WDR41: variants seen among roughly 807,000 people sequenced by gnomAD.
The protein encoded by WDR41 is WD repeat domain 41.
In WDR41, 63 loss-of-function variants were observed where a neutral mutation model predicts 69.3. That is an observed-to-expected ratio of 0.91 (90% confidence interval 0.74 to 1.12). The LOEUF (loss-of-function observed/expected upper bound fraction) is 1.12, where lower values mean the gene tolerates loss of function less well. Among genes scored for constraint, WDR41 ranks in the 50% most tolerant of loss-of-function variants. The pLI, the probability that WDR41 is intolerant of heterozygous loss-of-function variation, is 0.00. For missense variants in WDR41, 543 were observed against 534.5 expected, an observed-to-expected ratio of 1.02 and a Z score of -0.16; for synonymous variants, 185 against 192.1, an observed-to-expected ratio of 0.96 and a Z score of 0.31.
chr5:77,446,312 T>C (rs1254888674), intron 8 of WDR41, among the ~76,000 whole-genome samples: 3 of 152,188 alleles, frequency 2.0e-5, no homozygotes, highest in Admixed American at 6.5e-5. Flanking sequence ...TCCTCATAGA[T>C]AGGAAGAATC....
At chr5:77,484,714 G>C (rs573831932) in intron 2 of WDR41, among the ~76,000 whole-genome samples, 2 of 152,292 alleles carry the variant, frequency 1.3e-5, no homozygotes, top group South Asian at 4.1e-4. Context: ...GTATGTTCAT[G>C]CAAGTTAAAA....
Position 77,436,716 on chromosome 5 carries a change from T to A in WDR41, c.1094-322A>T, listed in dbSNP as rs565467437. 3.9e-5 allele frequency among the ~76,000 whole-genome samples: 6 copies of A among 152,112 alleles called. No homozygotes were observed. In the East Asian group the frequency reaches 5.8e-4, roughly 15 times the overall value. On this transcript the variant is annotated intron_variant, in intron 11 of 12. Transcript: ENST00000296679. The stretch of plus-strand genomic sequence containing the variant: ...CTGTCAAGGGAAAAAAGGGCAAAAC[T>A]CAGATCAACAAACAAGGCATAGGGG...
rs188767038 is a variant in WDR41, at chr5:77,458,747, A to T, written c.411+315T>A. On this transcript the variant is annotated intron_variant, in intron 5 of 12. Transcript: ENST00000296679. The stretch of plus-strand genomic sequence containing the variant: ...TTTAAATTCAAAGTATAAAGAAAAC[A>T]GACCAGCTACTATTATGGTCATTCT... 1.1e-3 allele frequency: 204 copies of T among 193,432 alleles called. 1 individual carries two copies. The highest frequency in any genetic ancestry group is 4.4e-3 in the African/African-American group (191 of 43,260). 12.0% of individuals were successfully genotyped at this position (193,432 alleles called of 1,614,324 possible).
chr5:77,551,294 GC>G (rs1425609748), intron 1 of WDR41, among the ~76,000 whole-genome samples: 2 of 152,106 alleles, frequency 1.3e-5, no homozygotes, highest in Admixed American at 1.3e-4. Flanking sequence ...TAAGAAGGGG[GC>G]AAAAATATTA....
chr5:77,583,871 C>T (rs1743987462), intron 1 of WDR41, among the ~76,000 whole-genome samples: 1 of 152,044 alleles, frequency 6.6e-6, no homozygotes, highest in African/African-American at 2.4e-5. Context: ...CAAAATATTA[C>T]CAAACCAAAT....
intron 1 of WDR41, among the ~76,000 whole-genome samples, chr5:77,552,292 A>G (rs536283831): frequency 8.5e-5 from 13 of 152,236 alleles, no homozygotes; most frequent in African/African-American, 3.1e-4. Flanking sequence ...GCAATTTACA[A>G]TAACTCCAAG....
intron 1 of WDR41, among the ~76,000 whole-genome samples, chr5:77,584,709 C>T (rs1444340769): frequency 6.6e-6 from 1 of 152,046 alleles, no homozygotes; most frequent in East Asian, 1.9e-4. Flanking sequence ...GCAAACAAAA[C>T]CATAAAATGG....
chr5:77,475,396 A>C (rs1416226999), intron 2 of WDR41, among the ~76,000 whole-genome samples: 2 of 152,232 alleles, frequency 1.3e-5, no homozygotes, highest in Non-Finnish European at 2.9e-5. Context: ...AGACAGCAGT[A>C]ACCTCTGCAG....
At chr5:77,485,939 C>A (rs1801500136) in intron 2 of WDR41, among the ~76,000 whole-genome samples, 1 of 151,732 alleles carries the variant, frequency 6.6e-6, no homozygotes, top group African/African-American at 2.4e-5. Context: ...TGGATTATAA[C>A]AGCTGACCAA....
At chr5:77,486,709 C>G (rs1801539936) in intron 2 of WDR41, among the ~76,000 whole-genome samples, 1 of 152,120 alleles carries the variant, frequency 6.6e-6, no homozygotes, top group Non-Finnish European at 1.5e-5. Flanking sequence ...TGAAATGAAC[C>G]AGCCAGCCCC....
chr5:77,457,203 C>G (rs1283628598), intron 5 of WDR41, among the ~76,000 whole-genome samples: 1 of 152,086 alleles, frequency 6.6e-6, no homozygotes, highest in Non-Finnish European at 1.5e-5. Flanking sequence ...GTGTATTTCA[C>G]TGATGAATTT....
chr5:77,438,474 A>G (rs1799034128), intron 9 of WDR41, 113 bp from the exon 10 acceptor site: 1 of 1,421,898 alleles, frequency 7.0e-7, no homozygotes, highest in African/African-American at 1.4e-5. Flanking sequence ...TCCCATTCCT[A>G]GCCTTTAGCC....
intron 10 of WDR41, 151 bp from the exon 11 acceptor site, chr5:77,437,575 A>G (rs1798992279): frequency 1.4e-6 from 1 of 707,958 alleles, no homozygotes; most frequent in Non-Finnish European, 2.5e-6. Context: ...ATGACGTTAC[A>G]ACGCAAACTA....
intron 8 of WDR41, among the ~76,000 whole-genome samples, chr5:77,447,505 T>C (rs1799431603): frequency 6.6e-6 from 1 of 152,088 alleles, no homozygotes; most frequent in Non-Finnish European, 1.5e-5. Flanking sequence ...AACAAAGATA[T>C]GGAACCAATC....
chr5:77,552,678 T>C (rs981796244), intron 1 of WDR41, among the ~76,000 whole-genome samples: 1 of 152,148 alleles, frequency 6.6e-6, no homozygotes, highest in Non-Finnish European at 1.5e-5. Flanking sequence ...GAGAGTGTGG[T>C]GTGGGCAGAG....
At chr5:77,598,787 CGCT>C (rs1744271365) in intron 1 of WDR41, among the ~76,000 whole-genome samples, 1 of 151,728 alleles carries the variant, frequency 6.6e-6, no homozygotes, top group African/African-American at 2.4e-5. Flanking sequence ...TCAATGTTAA[CGCT>C]GCTGCTGAGA....
chr5:77,447,988 A>G (rs763239516), intron 8 of WDR41, among the ~76,000 whole-genome samples: 18 of 152,154 alleles, frequency 1.2e-4, no homozygotes, highest in Non-Finnish European at 1.6e-4. Flanking sequence ...CCCCTTACGA[A>G]TTTGGCAAAT....
intron 12 of WDR41, among the ~76,000 whole-genome samples, chr5:77,434,616 A>G (rs1255291501): frequency 1.3e-5 from 2 of 151,724 alleles, no homozygotes; most frequent in African/African-American, 4.9e-5. Flanking sequence ...GAGGCAGGAG[A>G]ATTGCTTAAA....
chr5:77,485,663 A>AT (rs1801484920), intron 2 of WDR41, among the ~76,000 whole-genome samples: 2 of 152,174 alleles, frequency 1.3e-5, no homozygotes, highest in African/African-American at 4.8e-5. Context: ...AGCACAGCCC[A>AT]TTTTTTGGAA....
Sources: allele counts gnomAD v4.1 joint callset (sites outside exome capture counted in the v4.1 genomes callset), GRCh38; gene constraint gnomAD v4.1.1; transcripts MANE v1.5; gene names NCBI Gene and HGNC (gene_info 2026-07-23, HGNC 2026-07-21).